The following CNTN3 variants were observed in gnomAD, a reference collection of about 807,000 sequenced individuals.
The protein encoded by CNTN3 is contactin-3.
Under a neutral mutation model 119.1 loss-of-function variants are expected in CNTN3, and 60 were observed. That is an observed-to-expected ratio of 0.50 (90% CI 0.41 to 0.62). The LOEUF (loss-of-function observed/expected upper bound fraction) is 0.62. CNTN3 is among the 20% of genes least tolerant of loss of function. CNTN3 has a pLI of 0.00. For synonymous variants in CNTN3, 450 were observed against 438.7 expected, an observed-to-expected ratio of 1.03 and a Z score of -0.32; for missense variants, 1,101 against 1,242.4, an observed-to-expected ratio of 0.89 and a Z score of 1.71.
Position 74,336,699 on chromosome 3 carries a change from C to T in CNTN3, c.1365-41G>A, listed in dbSNP as rs1703403818. 6 of 1,474,122 alleles carry T rather than the reference C, an allele frequency of 4.1e-6. No homozygotes were observed. The South Asian group carries it at 7.7e-5, about 19-fold the overall frequency. The allele number at this position is 1,474,122 out of a possible 1,614,324, so 91.3% of individuals were successfully genotyped here. A position where few individuals can be genotyped will look rare whatever the true frequency, so the allele number is the denominator to read the frequency against. ...ATAAGATAAATAAATATATAATAGC[C>T]ATTTTTTTTCCAAATGAATATACAT... On this transcript the variant is annotated intron_variant, in intron 11 of 22. Transcript: ENST00000263665.
intron 22 of CNTN3, among the ~76,000 whole-genome samples, chr3:74,265,391 A>C (rs1023446579): frequency 6.6e-6 from 1 of 152,210 alleles, no homozygotes; most frequent in Non-Finnish European, 1.5e-5. Context: ...GCCTTGCACC[A>C]TTCAGGGAAC....
chr3:74,536,996 A>AC (rs1703774356), intron 1 of CNTN3, among the ~76,000 whole-genome samples: 2 of 44,404 alleles, frequency 4.5e-5, no homozygotes, highest in Non-Finnish European at 4.2e-5. Flanking sequence ...CTTTCATTTA[A>AC]AACACACACA....
intron 2 of CNTN3, among the ~76,000 whole-genome samples, chr3:74,504,978 C>T (rs1242495983): frequency 6.6e-6 from 1 of 152,050 alleles, no homozygotes; most frequent in African/African-American, 2.4e-5. Context: ...TTGATTTCTT[C>T]TGAGGGTTGT....
chr3:74,582,814 T>TGTGA (rs1238186881), intron 1 of CNTN3, among the ~76,000 whole-genome samples: 1 of 149,338 alleles, frequency 6.7e-6, no homozygotes, highest in Non-Finnish European at 1.5e-5. Flanking sequence ...TGTGTGTGTG[T>TGTGA]GACCCTACGA....
intron 1 of CNTN3, among the ~76,000 whole-genome samples, chr3:74,523,065 G>C (rs906866580): frequency 6.6e-6 from 1 of 151,524 alleles, no homozygotes; most frequent in African/African-American, 2.4e-5. Flanking sequence ...TTGGACCAAA[G>C]GGTCTCAGGT....
At chr3:74,534,753 T>G in intron 1 of CNTN3, among the ~76,000 whole-genome samples, 1 of 152,172 alleles carries the variant, frequency 6.6e-6, no homozygotes, top group Non-Finnish European at 1.5e-5. Flanking sequence ...TGACTTACAG[T>G]TAAGTATGAT....
At chr3:74,285,516 T>G (rs748075683) in intron 19 of CNTN3, 25 bp from the exon 20 acceptor site, 3 of 1,573,510 alleles carry the variant, frequency 1.9e-6, no homozygotes, top group Admixed American at 3.9e-5. Flanking sequence ...ACACCAAACA[T>G]GTGAAGGCTT....
chr3:74,464,759 T>G (rs1165918720), intron 4 of CNTN3, among the ~76,000 whole-genome samples: 2 of 152,228 alleles, frequency 1.3e-5, no homozygotes, highest in African/African-American at 4.8e-5. Context: ...AGAAAATCAG[T>G]CATTTGTGCT....
intron 11 of CNTN3, among the ~76,000 whole-genome samples, chr3:74,338,996 T>C (rs1355876805): frequency 6.6e-6 from 1 of 152,024 alleles, no homozygotes; most frequent in East Asian, 1.9e-4. Context: ...GAAAAGATAA[T>C]CAAATAACTT....
At chr3:74,363,394 G>A (rs1206867622) in intron 10 of CNTN3, among the ~76,000 whole-genome samples, 3 of 152,092 alleles carry the variant, frequency 2.0e-5, no homozygotes, top group African/African-American at 7.2e-5. Flanking sequence ...ATATTTAGCA[G>A]CCTCTCTGTC....
intron 1 of CNTN3, among the ~76,000 whole-genome samples, chr3:74,570,008 G>C (rs910478767): frequency 1.3e-5 from 2 of 152,160 alleles, no homozygotes; most frequent in Non-Finnish European, 2.9e-5. Flanking sequence ...TTCTAGGCCA[G>C]AGGAAGCTCT....
chr3:74,302,955 T>C (rs992461895), intron 13 of CNTN3, 148 bp from the exon 14 acceptor site: 2 of 532,178 alleles, frequency 3.8e-6, no homozygotes, highest in African/African-American at 3.8e-5. Flanking sequence ...ATTGCTACAA[T>C]GGAATGTATG....
At chr3:74,612,489 G>A (rs116788734) in intron 1 of CNTN3, among the ~76,000 whole-genome samples, 1 of 152,038 alleles carries the variant, frequency 6.6e-6, no homozygotes, top group Non-Finnish European at 1.5e-5. Context: ...TCATGTCTTC[G>A]GGCTGACATT....
chr3:74,535,910 C>T (rs766468989), intron 1 of CNTN3, among the ~76,000 whole-genome samples: 4 of 152,042 alleles, frequency 2.6e-5, no homozygotes, highest in Non-Finnish European at 5.9e-5. Flanking sequence ...AATGTATTTT[C>T]CCATCTAAAA....
intron 1 of CNTN3, among the ~76,000 whole-genome samples, chr3:74,605,125 G>A (rs1465880862): frequency 6.6e-6 from 1 of 152,088 alleles, no homozygotes; most frequent in Non-Finnish European, 1.5e-5. Context: ...ATAGAATGGT[G>A]GTTACCAGGG....
intron 1 of CNTN3, among the ~76,000 whole-genome samples, chr3:74,554,632 C>A (rs1704042421): frequency 6.6e-6 from 1 of 152,192 alleles, no homozygotes; most frequent in South Asian, 2.1e-4. Context: ...AGGTCCTTCA[C>A]ATCCCTTGTA....
At chr3:74,442,190 T>C (rs533932535) in intron 4 of CNTN3, among the ~76,000 whole-genome samples, 3,114 of 134,836 alleles carry the variant, frequency 0.023, 95 homozygotes, top group African/African-American at 0.088. Flanking sequence ...GAGAGAGAGA[T>C]TATTTTTATA....
At chr3:74,549,833 T>C (rs79854192) in intron 1 of CNTN3, among the ~76,000 whole-genome samples, 9,658 of 152,200 alleles carry the variant, frequency 0.063, 966 homozygotes, top group African/African-American at 0.22. Context: ...GGTAAATGCA[T>C]TGTAGAGTTT....
Position 74,377,168 on chromosome 3 carries a change from G to A in CNTN3, c.455-5769C>T, listed in dbSNP as rs191812466. ...TGAATAGAGTTGTACACTGTCATGA[G>A]AGGTATGGAGAAATTTGTAGCACCT... On this transcript the variant is annotated intron_variant, in intron 5 of 22. Coordinates refer to ENST00000263665, the MANE Select transcript of CNTN3 (RefSeq NM_020872.3). 7.9e-5 allele frequency among the ~76,000 whole-genome samples: 12 copies of A among 152,190 alleles called. No homozygotes were observed. In the East Asian group the frequency reaches 2.1e-3, roughly 27 times the overall value.
Sources: allele counts gnomAD v4.1 joint callset (sites outside exome capture counted in the v4.1 genomes callset), GRCh38; gene constraint gnomAD v4.1.1; transcripts MANE v1.5; gene names NCBI Gene and HGNC (gene_info 2026-07-23, HGNC 2026-07-21).